VWA3B: variants seen among roughly 807,000 people sequenced by gnomAD.
VWA3B encodes the protein von Willebrand factor A domain-containing protein 3B.
In VWA3B, 138 loss-of-function variants were observed where a neutral mutation model predicts 158.3. That is an observed-to-expected ratio of 0.87 (90% confidence interval 0.76 to 1.00). The LOEUF (loss-of-function observed/expected upper bound fraction) is 1.00, where lower values mean the gene tolerates loss of function less well. Among genes scored for constraint, VWA3B ranks in the 50% least tolerant of loss-of-function variants. The pLI, the probability that VWA3B is intolerant of heterozygous loss-of-function variation, is 0.00. For synonymous variants in VWA3B, 596 were observed against 587.3 expected (o/e 1.01, Z -0.21); for missense variants, 1,555 against 1,565.1 (o/e 0.99, Z 0.11).
chr2:98,146,418 T>A (rs140181360), intron 7 of VWA3B, among the ~76,000 whole-genome samples: 55 of 152,270 alleles, frequency 3.6e-4, no homozygotes, highest in Non-Finnish European at 5.7e-4. Context: ...GCTCTCTGCT[T>A]TTTTGCTGCT....
At chr2:98,246,778 T>C (rs898940063) in intron 19 of VWA3B, among the ~76,000 whole-genome samples, 6 of 152,182 alleles carry the variant, frequency 3.9e-5, no homozygotes, top group Non-Finnish European at 8.8e-5. Flanking sequence ...ATTATGAAAC[T>C]TACTATTTGT....
chr2:98,109,472 T>TAAA (rs1673961512), intron 2 of VWA3B, among the ~76,000 whole-genome samples: 1 of 152,206 alleles, frequency 6.6e-6, no homozygotes, highest in Non-Finnish European at 1.5e-5. Flanking sequence ...TAAAATGTAT[T>TAAA]ATTTTATCTT....
rs374802132 is a variant in VWA3B at position 98,234,618 on chromosome 2, C to T, written c.2309-30C>T. ...AAGTATCTCCTTCCATCCCCAATTC[C>T]TTTAACTCTTCCCTCTGTGATACCA... On this transcript the variant is annotated intron_variant, in intron 16 of 27. Coordinates refer to ENST00000477737, the MANE Select transcript of VWA3B (RefSeq NM_144992.5). The T allele has an allele frequency of 1.9e-6, 3 of 1,613,798 alleles. No homozygotes were observed. The East Asian group carries it at 6.7e-5, about 36-fold the overall frequency.
intron 7 of VWA3B, among the ~76,000 whole-genome samples, chr2:98,137,668 A>G (rs1676392395): frequency 6.6e-6 from 1 of 152,174 alleles, no homozygotes; most frequent in African/African-American, 2.4e-5. Flanking sequence ...AAGTGTATTA[A>G]TACATTAAGT....
chr2:98,197,888 T>C (rs1273453621), intron 12 of VWA3B, among the ~76,000 whole-genome samples: 1 of 152,074 alleles, frequency 6.6e-6, no homozygotes, highest in Non-Finnish European at 1.5e-5. Flanking sequence ...TACAGAATGG[T>C]ATTTAGAAAC....
chr2:98,088,915 G>A lies in VWA3B; in HGVS notation c.-33+1552G>A, dbSNP rs1179600755. 2.6e-5 allele frequency among the ~76,000 whole-genome samples: 4 copies of A among 151,852 alleles called. 1 individual carries two copies. Among genetic ancestry groups the A allele is most frequent in the South Asian group, 4.2e-4 (2 of 4,818 alleles). ...ATTACACGTGTGTGTTACCATGCCC[G>A]GCTAATTTTTGTATTTTTAGTAGAG... On this transcript the variant is annotated intron_variant, in intron 1 of 27. Coordinates refer to ENST00000477737, the MANE Select transcript of VWA3B (RefSeq NM_144992.5).
intron 2 of VWA3B, among the ~76,000 whole-genome samples, chr2:98,093,553 A>G (rs891161571): frequency 1.3e-5 from 2 of 152,208 alleles, no homozygotes; most frequent in African/African-American, 2.4e-5. Context: ...GTATGTATTT[A>G]TCATGTACAA....
chr2:98,259,703 TTCTC>T (rs1237962049), intron 21 of VWA3B, among the ~76,000 whole-genome samples: 1 of 151,738 alleles, frequency 6.6e-6, no homozygotes, highest in Non-Finnish European at 1.5e-5. Flanking sequence ...ATTTTGTTGA[TTCTC>T]TCAATTGTTT....
intron 12 of VWA3B, among the ~76,000 whole-genome samples, chr2:98,198,487 T>C (rs529086781): frequency 6.6e-6 from 1 of 152,308 alleles, no homozygotes; most frequent in Non-Finnish European, 1.5e-5. Context: ...TTGGTTACAG[T>C]CTGCATTTCA....
intron 7 of VWA3B, among the ~76,000 whole-genome samples, chr2:98,137,049 A>T (rs1391827620): frequency 6.6e-6 from 1 of 152,164 alleles, no homozygotes; most frequent in Non-Finnish European, 1.5e-5. Flanking sequence ...TGATTCATCC[A>T]CCCATGGACT....
At chr2:98,169,113 T>C (rs527676767) in intron 8 of VWA3B, among the ~76,000 whole-genome samples, 7 of 152,290 alleles carry the variant, frequency 4.6e-5, no homozygotes, top group South Asian at 2.1e-4. Flanking sequence ...AAAAAAGATA[T>C]GTGCAAAGCC....
intron 17 of VWA3B, 111 bp from the exon 18 acceptor site, chr2:98,236,279 C>A: frequency 8.7e-7 from 1 of 1,155,358 alleles, no homozygotes. Flanking sequence ...GAAATGTGGT[C>A]CATTTATTAG....
At chr2:98,258,968 CA>C in intron 21 of VWA3B, among the ~76,000 whole-genome samples, 1 of 151,758 alleles carries the variant, frequency 6.6e-6, no homozygotes, top group Non-Finnish European at 1.5e-5. Flanking sequence ...TTGTTTTTAT[CA>C]TGAAAAGTGT....
At chr2:98,315,454 T>C (rs576616117), downstream of VWA3B, among the ~76,000 whole-genome samples, 1 of 152,326 alleles carries the variant, frequency 6.6e-6, no homozygotes, top group South Asian at 2.1e-4. Context: ...AGATGTAAAC[T>C]ATGTGGAATG....
chr2:98,172,333 G>T (rs1002572828), intron 8 of VWA3B, among the ~76,000 whole-genome samples: 3 of 152,016 alleles, frequency 2.0e-5, no homozygotes, highest in Admixed American at 6.6e-5. Flanking sequence ...CAAACTCTGC[G>T]TCATTCTGCT....
chr2:98,095,840 T>C (rs1682671152), intron 2 of VWA3B, among the ~76,000 whole-genome samples: 4 of 152,164 alleles, frequency 2.6e-5, no homozygotes, highest in Admixed American at 2.6e-4. Flanking sequence ...AGATATTGAG[T>C]TTTGTCAAAT....
chr2:98,303,474 T>G (rs1040562235), intron 25 of VWA3B, among the ~76,000 whole-genome samples: 2 of 151,600 alleles, frequency 1.3e-5, no homozygotes, highest in African/African-American at 4.9e-5. Context: ...TGGGTACATT[T>G]GGCAATTGAT....
intron 22 of VWA3B, among the ~76,000 whole-genome samples, chr2:98,284,031 A>G (rs1196787541): frequency 2.1e-4 from 32 of 152,222 alleles, no homozygotes. Context: ...CCCACCAGTG[A>G]TGGTGAATTC....
At chr2:98,109,761 T>G (rs1467107141) in intron 2 of VWA3B, among the ~76,000 whole-genome samples, 1 of 152,002 alleles carries the variant, frequency 6.6e-6, no homozygotes, top group Non-Finnish European at 1.5e-5. Flanking sequence ...AAGAAGAATT[T>G]CACCAGATGT....
Sources: allele counts gnomAD v4.1 joint callset (sites outside exome capture counted in the v4.1 genomes callset), GRCh38; gene constraint gnomAD v4.1.1; transcripts MANE v1.5; gene names NCBI Gene and HGNC (gene_info 2026-07-23, HGNC 2026-07-21).